Variants in FGF12 observed in about 807,000 individuals in gnomAD.
FGF12 encodes fibroblast growth factor 12, also known as fibroblast growth factor 12B.
A neutral mutation model predicts 23.6 loss-of-function variants in FGF12; 14 were observed. The ratio of observed to expected loss-of-function variants is 0.59; its 90% confidence interval spans 0.39 to 0.93. The LOEUF (loss-of-function observed/expected upper bound fraction) is 0.93. FGF12 is among the 40% of genes least tolerant of loss of function. The pLI, the probability that FGF12 is intolerant of heterozygous loss-of-function variation, is 0.00. For synonymous variants in FGF12, 62 were observed against 77.3 expected, an observed-to-expected ratio of 0.80 and a Z score of 1.04; for missense variants, 175 against 217.8, an observed-to-expected ratio of 0.80 and a Z score of 1.24.
At chr3:192,383,770 G>A (rs1394110349) in intron 2 of FGF12, among the ~76,000 whole-genome samples, 1 of 152,074 alleles carries the variant, frequency 6.6e-6, no homozygotes, top group Admixed American at 6.6e-5. Context: ...TATTAGAAGA[G>A]GAACAGATTT....
chr3:192,461,776 G>A (rs745690352), intron 2 of FGF12, among the ~76,000 whole-genome samples: 1 of 152,116 alleles, frequency 6.6e-6, no homozygotes, highest in Admixed American at 6.6e-5. Context: ...ATCATCTGAG[G>A]TCAGGAGTTT....
At chr3:192,325,717 T>C (rs1441309530) in intron 4 of FGF12, among the ~76,000 whole-genome samples, 1 of 152,176 alleles carries the variant, frequency 6.6e-6, no homozygotes, top group East Asian at 1.9e-4. Context: ...CACTGAGAGA[T>C]TAACTGTAAA....
At chr3:192,636,498 A>G (rs903457231) in intron 2 of FGF12, among the ~76,000 whole-genome samples, 7 of 152,222 alleles carry the variant, frequency 4.6e-5, no homozygotes, top group Admixed American at 6.5e-5. Context: ...AATTCTTAAC[A>G]AATAGTTTCA....
At chr3:192,657,234 G>A (rs553672573) in intron 2 of FGF12, among the ~76,000 whole-genome samples, 1 of 151,696 alleles carries the variant, frequency 6.6e-6, no homozygotes, top group Non-Finnish European at 1.5e-5. Context: ...CCCTTAACAT[G>A]TCAGGGCGGT....
In FGF12 at chr3:192,515,845, T is replaced by TTC. The variant is rs398052565; in HGVS notation, c.14-155308_14-155307insGA. On this transcript the variant is annotated intron_variant, in intron 2 of 5. Transcript: ENST00000445105. ...CAGCCCCCTTGACTCTTTTTTTTTT[T>TTC]CTTTTCCTGATGCCAACAATGCCCT... 1.3e-3 allele frequency among the ~76,000 whole-genome samples: 193 copies of TTC among 151,294 alleles called. 1 individual carries two copies. Among genetic ancestry groups the TTC allele is most frequent in the South Asian group, 4.4e-3 (21 of 4,778 alleles).
At chr3:192,549,764 G>A (rs1224054704) in intron 2 of FGF12, among the ~76,000 whole-genome samples, 2 of 152,170 alleles carry the variant, frequency 1.3e-5, no homozygotes, top group Admixed American at 6.5e-5. Context: ...TAACTGCTAT[G>A]AGCTGGGACA....
At chr3:192,320,624 T>C (rs183987168) in intron 4 of FGF12, among the ~76,000 whole-genome samples, 465 of 152,054 alleles carry the variant, frequency 3.1e-3, no homozygotes, top group Admixed American at 7.4e-3. Flanking sequence ...CTGACCACAG[T>C]GGAATAAAAA....
chr3:192,719,799 A>C (rs1313807116), intron 2 of FGF12, among the ~76,000 whole-genome samples: 3 of 144,120 alleles, frequency 2.1e-5, no homozygotes, highest in Non-Finnish European at 3.0e-5. Context: ...AAAAAAAAAA[A>C]AAAAAGAAAA....
chr3:192,370,311 C>T (rs1719171150), intron 2 of FGF12, among the ~76,000 whole-genome samples: 1 of 152,060 alleles, frequency 6.6e-6, no homozygotes, highest in African/African-American at 2.4e-5. Context: ...CGTGTATGTG[C>T]CACTCTGTAA....
chr3:192,467,685 A>G lies in FGF12; in HGVS notation c.14-107147T>C, dbSNP rs146056206. ...TACATGATTGTGAATTCCTAGCAAT[A>G]GAAGATTCAGGCCCGTTTTAAAGAT... is the stretch of plus-strand genomic sequence containing the variant. On this transcript the variant is annotated intron_variant, in intron 2 of 5. Coordinates refer to ENST00000445105, the MANE Select transcript of FGF12 (RefSeq NM_004113.6). Among the ~76,000 whole-genome samples, 360 of 152,330 alleles carry G rather than the reference A, an allele frequency of 2.4e-3. 1 individual carries two copies. The highest frequency in any genetic ancestry group is 8.1e-3 in the African/African-American group (338 of 41,590).
chr3:192,655,155 C>A (rs993627512), intron 2 of FGF12, among the ~76,000 whole-genome samples: 1 of 152,194 alleles, frequency 6.6e-6, no homozygotes, highest in African/African-American at 2.4e-5. Flanking sequence ...ACTCAAAATT[C>A]TCTGTGTGCA....
At chr3:192,359,946 C>CATATATATAT (rs35037623) in intron 3 of FGF12, among the ~76,000 whole-genome samples, 1 of 149,050 alleles carries the variant, frequency 6.7e-6, no homozygotes, top group African/African-American at 2.5e-5. Context: ...CATAAAATAA[C>CATATATATAT]ATATATATAT....
intron 4 of FGF12, among the ~76,000 whole-genome samples, chr3:192,220,993 T>C (rs1217400390): frequency 6.6e-6 from 1 of 152,170 alleles, no homozygotes; most frequent in Non-Finnish European, 1.5e-5. Flanking sequence ...ACCAACCATC[T>C]GAATGACAAA....
At chr3:192,460,030 C>T (rs746786265) in intron 2 of FGF12, among the ~76,000 whole-genome samples, 2 of 151,954 alleles carry the variant, frequency 1.3e-5, no homozygotes, top group African/African-American at 2.4e-5. Context: ...GATGAACAGA[C>T]ATAAGTACAT....
chr3:192,442,210 C>T (rs1424675563), intron 2 of FGF12, among the ~76,000 whole-genome samples: 1 of 152,190 alleles, frequency 6.6e-6, no homozygotes, highest in Non-Finnish European at 1.5e-5. Context: ...GAACACATGT[C>T]TCTTGTTCAC....
intron 4 of FGF12, among the ~76,000 whole-genome samples, chr3:192,313,880 C>A (rs1301575451): frequency 6.6e-6 from 1 of 152,174 alleles, no homozygotes; most frequent in South Asian, 2.1e-4. Context: ...GACTGTAAGT[C>A]TCTATTACCC....
intron 2 of FGF12, among the ~76,000 whole-genome samples, chr3:192,677,063 C>T (rs1717350643): frequency 6.6e-6 from 1 of 152,164 alleles, no homozygotes; most frequent in South Asian, 2.1e-4. Flanking sequence ...GATTTGCTCA[C>T]CCTGTAGTGA....
intron 3 of FGF12, 23 bp from the exon 4 acceptor site, chr3:192,335,487 G>C: frequency 7.0e-7 from 1 of 1,427,256 alleles, no homozygotes; most frequent in Non-Finnish European, 9.9e-7. Context: ...AAAGAAGGGC[G>C]GAAAGGATCA....
intron 2 of FGF12, among the ~76,000 whole-genome samples, chr3:192,411,339 GGGA>G (rs2108778715): frequency 6.6e-6 from 1 of 152,330 alleles, no homozygotes; most frequent in African/African-American, 2.4e-5. Flanking sequence ...ACAAACAGCT[GGGA>G]GGAGGATTAA....
Sources: gnomAD v4.1 joint callset for allele counts (sites outside exome capture counted in the v4.1 genomes callset) on GRCh38, gnomAD v4.1.1 for gene constraint, MANE v1.5 for transcripts, NCBI Gene and HGNC (gene_info 2026-07-23, HGNC 2026-07-21) for gene names.